Variants in WDR4 observed in about 807,000 individuals in gnomAD.
The protein encoded by WDR4 is tRNA (guanine-N(7)-)-methyltransferase non-catalytic subunit WDR4.
In WDR4, 47 loss-of-function variants were observed where a neutral mutation model predicts 48.6. The observed-to-expected ratio is 0.97, with a 90% CI of 0.77 to 1.23. WDR4 has a LOEUF of 1.23. WDR4 is among the 50% of genes most tolerant of loss of function. The pLI is 0.00. For missense variants in WDR4, 606 were observed against 551.6 expected (o/e 1.10, Z -0.99); for synonymous variants, 268 against 230.0 (o/e 1.17, Z -1.49).
chr21:42,859,514 C>T lies in WDR4; in HGVS notation c.627+148G>A, dbSNP rs941924314. ...TGAGTGAGCGGCCGCAGGCGGGGAG[C>T]GAGCCGCAGGCAGCTCTAAGATCTA... On this transcript the variant is annotated intron_variant, in intron 6 of 10. Coordinates refer to ENST00000398208, the MANE Select transcript of WDR4 (RefSeq NM_018669.6). 84 of 806,324 alleles carry T rather than the reference C, an allele frequency of 1.0e-4. 1 individual carries two copies. Among genetic ancestry groups the T allele is most frequent in the Non-Finnish European group, 1.6e-4 (79 of 505,204 alleles). 49.9% of individuals were successfully genotyped at this position (806,324 alleles called of 1,614,324 possible). A position where few individuals can be genotyped will look rare whatever the true frequency, so the allele number is the denominator to read the frequency against.
chr21:42,891,186 G>C, the WDR4 span, among the ~76,000 whole-genome samples: 1 of 152,124 alleles, frequency 6.6e-6, no homozygotes, highest in East Asian at 1.9e-4. Context: ...AGATGGGCAT[G>C]GTGGCGGCGC....
rs201102595 is a variant in WDR4, at chr21:42,855,799, C to T, written c.628-19G>A. 2 of 1,529,756 alleles carry T rather than the reference C, an allele frequency of 1.3e-6. No individual in the cohort carries two copies. Among genetic ancestry groups the T allele is most frequent in the Non-Finnish European group, 1.8e-6 (2 of 1,131,790 alleles). The allele number at this position is 1,529,756 out of a possible 1,614,324, so 94.8% of individuals were successfully genotyped here. On this transcript the variant is annotated intron_variant, in intron 6 of 10. Coordinates refer to ENST00000398208, the MANE Select transcript of WDR4 (RefSeq NM_018669.6). ...TGCCGTCCTGCACAAACCAAACACA[C>T]AGGTTAGCACATGGTTGTGGGGCTT...
the WDR4 span, among the ~76,000 whole-genome samples, chr21:42,891,356 A>G: frequency 6.6e-6 from 1 of 151,116 alleles, no homozygotes; most frequent in Non-Finnish European, 1.5e-5. Flanking sequence ...AAGATGGTTC[A>G]TGCCCCCTCA....
At position 42,854,558 on chromosome 21, in the gene WDR4, T is replaced by C. The variant is rs367704779; in HGVS notation, c.791+4A>G. ...GAGGCCATAGAGGTGCCGCCGCAGC[T>C]TACCCGTCGCACAGGAGCGCCACGC... On this transcript the variant is annotated splice_donor_region_variant and intron_variant, in intron 8 of 10. Coordinates refer to ENST00000398208, the MANE Select transcript of WDR4 (RefSeq NM_018669.6). 3.6e-4 allele frequency: 586 copies of C among 1,612,858 alleles called. No individual in the cohort carries two copies. Among genetic ancestry groups the C allele is most frequent in the Non-Finnish European group, 4.7e-4 (551 of 1,179,608 alleles).
intron 7 of WDR4, among the ~76,000 whole-genome samples, chr21:42,855,169 A>G (rs2146014876): frequency 6.6e-6 from 1 of 152,238 alleles, no homozygotes; most frequent in South Asian, 2.1e-4. Context: ...GGAAACTTCC[A>G]GGAACCTGAG....
chr21:42,877,934 A>G (rs1451085704), intron 1 of WDR4, among the ~76,000 whole-genome samples: 1 of 151,186 alleles, frequency 6.6e-6, no homozygotes, highest in Non-Finnish European at 1.5e-5. Flanking sequence ...AGTCCCAACT[A>G]CTCGGGAGGC....
intron 3 of WDR4, among the ~76,000 whole-genome samples, chr21:42,869,685 A>G (rs899273283): frequency 9.2e-5 from 14 of 152,338 alleles, no homozygotes; most frequent in Admixed American, 2.6e-4. Context: ...AAAAGTTTAC[A>G]AAACACAAAT....
At chr21:42,872,249 A>T (rs1379035991) in intron 3 of WDR4, among the ~76,000 whole-genome samples, 1 of 151,546 alleles carries the variant, frequency 6.6e-6, no homozygotes, top group East Asian at 2.0e-4. Flanking sequence ...TCGGCCTCCC[A>T]AAGTGCTAGG....
chr21:42,851,593 A>G (rs884153), intron 10 of WDR4, among the ~76,000 whole-genome samples: 65,012 of 151,968 alleles, frequency 0.43, 15,322 homozygotes, highest in African/African-American at 0.63. Flanking sequence ...AGACACCATC[A>G]CCTCCAAGAC....
At chr21:42,845,500 T>G (rs1445932865), downstream of WDR4, among the ~76,000 whole-genome samples, 4 of 152,154 alleles carry the variant, frequency 2.6e-5, no homozygotes, top group Non-Finnish European at 5.9e-5. Flanking sequence ...CTCGTGAGCT[T>G]GCGGCACATT....
intron 10 of WDR4, 93 bp downstream of exon 10, chr21:42,852,162 G>A: frequency 1.5e-6 from 2 of 1,333,366 alleles, no homozygotes; most frequent in Admixed American, 3.7e-5. Flanking sequence ...CTGCACACCA[G>A]GTACCCCGGG....
upstream of WDR4, among the ~76,000 whole-genome samples, chr21:42,881,498 T>C (rs751453309): frequency 2.4e-4 from 36 of 152,236 alleles, no homozygotes; most frequent in Admixed American, 5.2e-4. Context: ...TATACTGATA[T>C]GATCTTTTTC....
intron 9 of WDR4, among the ~76,000 whole-genome samples, chr21:42,853,321 CA>C (rs1404435291): frequency 1.3e-5 from 2 of 152,126 alleles, no homozygotes; most frequent in African/African-American, 4.8e-5. Context: ...GCCACACACT[CA>C]CCCAAAAAAA....
At chr21:42,873,517 G>T in intron 3 of WDR4, 34 bp downstream of exon 3, 1 of 1,611,236 alleles carries the variant, frequency 6.2e-7, no homozygotes, top group South Asian at 1.1e-5. Context: ...GTGTGCATTC[G>T]ACATCTTAAG....
At chr21:42,866,490 C>T (rs778401344) in intron 3 of WDR4, among the ~76,000 whole-genome samples, 3 of 152,162 alleles carry the variant, frequency 2.0e-5, no homozygotes, top group Non-Finnish European at 4.4e-5. Flanking sequence ...GGTGGATGTG[C>T]TAAGCGTGGG....
At chr21:42,864,708 C>T (rs2058209805) in intron 3 of WDR4, among the ~76,000 whole-genome samples, 1 of 152,208 alleles carries the variant, frequency 6.6e-6, no homozygotes, top group African/African-American at 2.4e-5. Context: ...ACAGTTCGCT[C>T]CCTCTCCTTC....
chr21:42,852,182 G>T, intron 10 of WDR4, 73 bp downstream of exon 10: 1 of 1,513,430 alleles, frequency 6.6e-7, no homozygotes, highest in Non-Finnish European at 9.1e-7. Flanking sequence ...GCAGGTCACA[G>T]TGTGTGCTTC....
intron 10 of WDR4, 104 bp from the exon 11 acceptor site, chr21:42,850,346 G>T: frequency 9.2e-7 from 1 of 1,083,426 alleles, no homozygotes; most frequent in Non-Finnish European, 1.3e-6. Flanking sequence ...GACTCCCAGA[G>T]TCCTCGGTGG....
At chr21:42,851,399 G>C (rs2057823695) in intron 10 of WDR4, among the ~76,000 whole-genome samples, 1 of 152,234 alleles carries the variant, frequency 6.6e-6, no homozygotes, top group South Asian at 2.1e-4. Flanking sequence ...CACTCGGGGA[G>C]CCTGGCAGAA....
Sources: allele counts gnomAD v4.1 joint callset (sites outside exome capture counted in the v4.1 genomes callset), GRCh38; gene constraint gnomAD v4.1.1; transcripts MANE v1.5; gene names NCBI Gene and HGNC (gene_info 2026-07-23, HGNC 2026-07-21).